PDE10A: variants seen among roughly 807,000 people sequenced by gnomAD.
The protein encoded by PDE10A is cAMP and cAMP-inhibited cGMP 3',5'-cyclic phosphodiesterase 10A.
Under a neutral mutation model 97.7 loss-of-function variants are expected in PDE10A, and 39 were observed. The ratio of observed to expected loss-of-function variants is 0.40; its 90% CI spans 0.31 to 0.52. PDE10A has a LOEUF of 0.52. PDE10A is among the 20% of genes least tolerant of loss of function. The pLI is 0.56. For synonymous variants in PDE10A, 371 were observed against 376.8 expected (o/e 0.98, Z 0.18); for missense variants, 731 against 1,047.8 (o/e 0.70, Z 4.17).
At chr6:165,365,234 T>A (rs998332758) in intron 18 of PDE10A, among the ~76,000 whole-genome samples, 2 of 152,166 alleles carry the variant, frequency 1.3e-5, no homozygotes, top group Non-Finnish European at 2.9e-5. Flanking sequence ...CAATTAAATT[T>A]TAAGTGAAAA....
At chr6:165,353,887 G>A (rs1192997498) in intron 18 of PDE10A, among the ~76,000 whole-genome samples, 2 of 152,150 alleles carry the variant, frequency 1.3e-5, no homozygotes, top group African/African-American at 4.8e-5. Context: ...TGATAATGAT[G>A]ATTTAATGTT....
At chr6:165,636,403 T>A (rs964754846) in intron 1 of PDE10A, among the ~76,000 whole-genome samples, 6 of 152,250 alleles carry the variant, frequency 3.9e-5, no homozygotes, top group African/African-American at 1.4e-4. Context: ...CAAGTTACAT[T>A]TATGAAATGC....
chr6:165,791,672 A>G (rs1778653907), intron 1 of PDE10A, among the ~76,000 whole-genome samples: 1 of 152,156 alleles, frequency 6.6e-6, no homozygotes, highest in African/African-American at 2.4e-5. Context: ...GCGCAGTCTC[A>G]CAGCTCCGTG....
Position 165,661,855 on chromosome 6 carries a change from C to G in PDE10A, c.865+92G>C. ...CCGGGCACGGGCACCTCGCTCGACA[C>G]CCGCTTCCCACCCAGCAGTCCAAGC... On this transcript the variant is annotated intron_variant, in intron 1 of 21. Transcript: ENST00000539869. This position sits in a 1 kb window ranked among gnomAD's most constrained non-coding sequence, Gnocchi z 4.8. 1.5e-6 allele frequency: 1 copy of G among 653,072 alleles called. No individual in the cohort carries two copies. The highest frequency in any genetic ancestry group is 1.7e-5 in the South Asian group (1 of 57,862). 40.5% of individuals were successfully genotyped at this position (653,072 alleles called of 1,614,324 possible).
intron 1 of PDE10A, among the ~76,000 whole-genome samples, chr6:165,816,748 G>A (rs1779425030): frequency 6.6e-6 from 1 of 152,214 alleles, no homozygotes; most frequent in African/African-American, 2.4e-5. Context: ...AGAGTGCCCT[G>A]GGGGCTCAGA....
intron 2 of PDE10A, among the ~76,000 whole-genome samples, chr6:165,513,534 C>T (rs1042702718): frequency 6.6e-6 from 1 of 152,024 alleles, no homozygotes; most frequent in Non-Finnish European, 1.5e-5. Flanking sequence ...CTTTGCATTT[C>T]CATATGCATT....
At chr6:165,935,723 T>C (rs757338991) in intron 1 of PDE10A, among the ~76,000 whole-genome samples, 3 of 152,216 alleles carry the variant, frequency 2.0e-5, no homozygotes, top group Admixed American at 6.5e-5. Context: ...TCTGCCCTTA[T>C]GAATAGATTA....
At position 165,819,598 on chromosome 6, in the gene PDE10A, C is replaced by T. The variant is rs1479358494; in HGVS notation, c.-615+167931G>A. Among the ~76,000 whole-genome samples the T allele has an allele frequency of 6.6e-6, 1 of 152,146 alleles. No individual in the cohort carries two copies. The highest frequency in any genetic ancestry group is 1.5e-5 in the Non-Finnish European group (1 of 68,018). On this transcript the variant is annotated intron_variant, in intron 1 of 19. Transcript: ENST00000366882. This position sits in a 1 kb window ranked among gnomAD's most constrained non-coding sequence, Gnocchi z 4.2. Reference sequence around the variant, plus strand: ...TGCCGCGACCCCCACCCCGAGTTGCCGGACACAGTCAGGCAGAGCCGGTTG... The same window carrying T: ...TGCCGCGACCCCCACCCCGAGTTGCTGGACACAGTCAGGCAGAGCCGGTTG...
At chr6:165,477,818 T>A (rs1262621195) in intron 3 of PDE10A, among the ~76,000 whole-genome samples, 2 of 152,186 alleles carry the variant, frequency 1.3e-5, no homozygotes, top group Non-Finnish European at 2.9e-5. Flanking sequence ...GAAATAAAGG[T>A]ACAGTCCTGC....
At chr6:165,920,225 C>A (rs1782717117) in intron 1 of PDE10A, among the ~76,000 whole-genome samples, 1 of 152,126 alleles carries the variant, frequency 6.6e-6, no homozygotes, top group South Asian at 2.1e-4. Flanking sequence ...TCTTTACAGA[C>A]CCCTAATCAA....
At chr6:165,492,020 G>A (rs1439382719) in intron 2 of PDE10A, among the ~76,000 whole-genome samples, 3 of 150,080 alleles carry the variant, frequency 2.0e-5, no homozygotes, top group Admixed American at 6.6e-5. Context: ...AGAAACAAAC[G>A]GGAGCTATTA....
At chr6:165,475,496 C>A (rs750167680) in intron 3 of PDE10A, among the ~76,000 whole-genome samples, 17 of 152,164 alleles carry the variant, frequency 1.1e-4, no homozygotes, top group Non-Finnish European at 1.2e-4. Context: ...AAATTCAAGA[C>A]AATTTGGCTG....
intron 1 of PDE10A, among the ~76,000 whole-genome samples, chr6:165,761,259 G>C (rs11970244): frequency 0.088 from 13,365 of 152,258 alleles, 1,397 homozygotes; most frequent in African/African-American, 0.25. Context: ...TAAGGAGAAA[G>C]TTCTACAACA....
chr6:165,935,228 C>G (rs1205736064), intron 1 of PDE10A, among the ~76,000 whole-genome samples: 1 of 152,144 alleles, frequency 6.6e-6, no homozygotes, highest in Non-Finnish European at 1.5e-5. Flanking sequence ...TCTTTGGGTT[C>G]TTTGAAGAAT....
rs74497779 is a variant in PDE10A, at chr6:165,650,026, G to A, written c.865+11921C>T. On this transcript the variant is annotated intron_variant, in intron 1 of 21. Coordinates refer to ENST00000539869, the MANE Select transcript of PDE10A (RefSeq NM_001385079.1). ...AGATAACCACAAGGGGTAGTGATGC[G>A]TGCAATTTTTTTAATATTCATCGTT... Among the ~76,000 whole-genome samples the A allele has an allele frequency of 9.7e-3, 1,472 of 152,282 alleles. 28 individuals carry two copies. Among genetic ancestry groups the A allele is most frequent in the African/African-American group, 0.033 (1,372 of 41,548 alleles).
chr6:165,340,316 C>T (rs1781901293), intron 19 of PDE10A, among the ~76,000 whole-genome samples: 1 of 152,094 alleles, frequency 6.6e-6, no homozygotes, highest in African/African-American at 2.4e-5. Context: ...TAACGTTGGT[C>T]ATGTTTTTAG....
intron 1 of PDE10A, among the ~76,000 whole-genome samples, chr6:165,716,132 G>C (rs1288028886): frequency 2.0e-5 from 3 of 152,196 alleles, no homozygotes; most frequent in African/African-American, 7.2e-5. Flanking sequence ...TCAAACCCCG[G>C]CCCCAGCTAC....
At chr6:165,744,808 A>T (rs1228338876) in intron 1 of PDE10A, among the ~76,000 whole-genome samples, 1 of 151,758 alleles carries the variant, frequency 6.6e-6, no homozygotes, top group African/African-American at 2.4e-5. Context: ...TCTGAAACAT[A>T]TCCAGCCCAG....
chr6:165,561,865 T>A (rs757512566), intron 1 of PDE10A, among the ~76,000 whole-genome samples: 6 of 152,252 alleles, frequency 3.9e-5, no homozygotes, highest in Non-Finnish European at 7.3e-5. Flanking sequence ...TACAGAGCTA[T>A]CAAATTTTAG....
Sources: allele counts gnomAD v4.1 joint callset (sites outside exome capture counted in the v4.1 genomes callset), GRCh38; gene constraint gnomAD v4.1.1; non-coding constraint Gnocchi (gnomAD v3.1); transcripts MANE v1.5; gene names NCBI Gene and HGNC (gene_info 2026-07-23, HGNC 2026-07-21).